ARID2: variants seen among roughly 807,000 people sequenced by gnomAD.
ARID2 encodes the protein AT-rich interactive domain-containing protein 2.
In ARID2, 32 loss-of-function variants were observed where a neutral mutation model predicts 184.6. That is an observed-to-expected ratio of 0.17 (90% CI 0.13 to 0.23). The LOEUF (loss-of-function observed/expected upper bound fraction) is 0.23, where lower values mean the gene tolerates loss of function less well. ARID2 is among the 10% of genes least tolerant of loss of function. ARID2 has a pLI of 1.00. For missense variants in ARID2, 1,696 were observed against 2,197.6 expected (o/e 0.77, Z 4.56); for synonymous variants, 836 against 772.6 (o/e 1.08, Z -1.36).
chr12:45,897,727 G>T (rs773131427), intron 20 of ARID2, among the ~76,000 whole-genome samples: 2 of 152,110 alleles, frequency 1.3e-5, no homozygotes, highest in Admixed American at 1.3e-4. Flanking sequence ...TATCATCGAT[G>T]ATAGACAAAA....
intron 18 of ARID2, among the ~76,000 whole-genome samples, chr12:45,892,468 C>G (rs1366845247): frequency 7.3e-6 from 1 of 137,424 alleles, no homozygotes; most frequent in Non-Finnish European, 1.5e-5. Flanking sequence ...GATTTCATAT[C>G]TTGTCATTAT....
At chr12:45,810,898 A>G (rs79165954) in intron 3 of ARID2, among the ~76,000 whole-genome samples, 1 of 152,346 alleles carries the variant, frequency 6.6e-6, no homozygotes, top group African/African-American at 2.4e-5. Context: ...TTCTGAAAAT[A>G]TAAAAATACT....
At chr12:45,859,827 G>A (rs1943711912) in intron 15 of ARID2, among the ~76,000 whole-genome samples, 1 of 152,092 alleles carries the variant, frequency 6.6e-6, no homozygotes, top group Non-Finnish European at 1.5e-5. Flanking sequence ...TCTGCCTCCC[G>A]GGTTCAAGTG....
Position 45,848,842 on chromosome 12 carries a change from T to C in ARID2, c.1587T>C (p.Asn529=), listed in dbSNP as rs371345267. Residue 529 remains asparagine (N), a synonymous_variant, in exon 13 of 21, where the codon AAT becomes AAC. Transcript: ENST00000334344. The part of the protein sequence containing the change: ...DSEKFACQWL[N]AHFEVNPDCS... ...AATTTTTCTCCTCTTTTAGGCTAAATGCTCATTTTGAAGTAAATCCAGATT... is the reference window on the plus strand; with the variant it reads ...AATTTTTCTCCTCTTTTAGGCTAAACGCTCATTTTGAAGTAAATCCAGATT... 3 of 1,611,146 alleles carry C rather than the reference T, an allele frequency of 1.9e-6. No individual in the cohort carries two copies. The highest frequency in any genetic ancestry group is 2.7e-5 in the African/African-American group (2 of 74,962).
intron 6 of ARID2, among the ~76,000 whole-genome samples, chr12:45,834,669 G>A (rs1165237657): frequency 2.0e-5 from 3 of 152,172 alleles, no homozygotes; most frequent in African/African-American, 7.2e-5. Flanking sequence ...GAACCTGGGA[G>A]GCAAAGGTTG....
intron 10 of ARID2, among the ~76,000 whole-genome samples, chr12:45,838,782 T>G (rs778209212): frequency 2.0e-5 from 3 of 151,076 alleles, no homozygotes; most frequent in Non-Finnish European, 4.4e-5. Flanking sequence ...AATATATAGA[T>G]AGATAGATAG....
chr12:45,827,636 C>CTTA (rs1565611250), intron 6 of ARID2, among the ~76,000 whole-genome samples: 2 of 151,950 alleles, frequency 1.3e-5, no homozygotes, highest in African/African-American at 4.8e-5. Flanking sequence ...TGTATGGTAA[C>CTTA]GTTAGATAAT....
At chr12:45,746,557 G>A (rs1941359372) in intron 3 of ARID2, among the ~76,000 whole-genome samples, 1 of 151,882 alleles carries the variant, frequency 6.6e-6, no homozygotes, top group African/African-American at 2.4e-5. Flanking sequence ...ATACCATGTT[G>A]AATCTTTTAA....
At chr12:45,806,611 GTGAT>G (rs1345947784) in intron 3 of ARID2, among the ~76,000 whole-genome samples, 5 of 152,052 alleles carry the variant, frequency 3.3e-5, no homozygotes, top group Non-Finnish European at 7.4e-5. Context: ...CATTACCGAT[GTGAT>G]CTACATTGTC....
chr12:45,818,358 T>G (rs1333808213), intron 5 of ARID2, among the ~76,000 whole-genome samples: 1 of 152,190 alleles, frequency 6.6e-6, no homozygotes, highest in African/African-American at 2.4e-5. Context: ...TGGGTTTTGA[T>G]AAATCAAATT....
intron 16 of ARID2, among the ~76,000 whole-genome samples, chr12:45,867,659 C>A (rs1302906959): frequency 6.6e-6 from 1 of 151,122 alleles, no homozygotes; most frequent in Non-Finnish European, 1.5e-5. Context: ...AGGAAAATGG[C>A]ATGAACCCTG....
intron 4 of ARID2, among the ~76,000 whole-genome samples, 165 bp from the exon 5 acceptor site, chr12:45,817,505 C>CTTCAA (rs1565607250): frequency 8.9e-4 from 124 of 138,702 alleles, no homozygotes; most frequent in Admixed American, 5.6e-3. Context: ...AAAAGTTGAA[C>CTTCAA]GTTTTGAACC....
At chr12:45,742,087 G>A (rs1200589564) in intron 3 of ARID2, among the ~76,000 whole-genome samples, 1 of 152,122 alleles carries the variant, frequency 6.6e-6, no homozygotes, top group Non-Finnish European at 1.5e-5. Flanking sequence ...ACTTCCAGAA[G>A]TGTTATCCCA....
chr12:45,885,865 T>G (rs994037807), intron 16 of ARID2, among the ~76,000 whole-genome samples: 39 of 152,210 alleles, frequency 2.6e-4, no homozygotes, highest in Non-Finnish European at 5.6e-4. Context: ...TACCTCCTAC[T>G]GGGTCCCTCC....
In ARID2 at chr12:45,839,416, C is replaced by G. The variant is rs2138137130; in HGVS notation, c.1418C>G (p.Ser473Cys). ...GTAAAACTCATTGAACACCCAAGTT[C>G]CAGTCATCAAATGTTATCTGAAATT... The part of the protein sequence containing the change: ...AAVKLIEHPS[S>C]SHQMLSEIRP... Residue 473 changes from serine to cysteine, a missense_variant, in exon 11 of 21, where the codon TCC becomes TGC. Around this residue, in one of 11 missense-constraint regions of ARID2, gnomAD observed 713 missense variants for 824.4 expected, o/e 0.86. Coordinates refer to ENST00000334344, the MANE Select transcript of ARID2 (RefSeq NM_152641.4). 6.2e-7 allele frequency: 1 copy of G among 1,614,088 alleles called. No individual in the cohort carries two copies. The highest frequency in any genetic ancestry group is 8.5e-7 in the Non-Finnish European group (1 of 1,179,994).
At chr12:45,750,880 T>G (rs1341198891) in intron 3 of ARID2, among the ~76,000 whole-genome samples, 2 of 152,206 alleles carry the variant, frequency 1.3e-5, no homozygotes, top group Non-Finnish European at 2.9e-5. Context: ...TTGTACAAGG[T>G]GACCCAAGTA....
At chr12:45,731,486 T>G (rs1940997667) in intron 3 of ARID2, among the ~76,000 whole-genome samples, 172 bp downstream of exon 3, 1 of 152,210 alleles carries the variant, frequency 6.6e-6, no homozygotes, top group African/African-American at 2.4e-5. Context: ...AAGGTGAAAG[T>G]CTTCCTCACC....
chr12:45,792,739 G>A (rs1041180385), intron 3 of ARID2, among the ~76,000 whole-genome samples: 2 of 151,572 alleles, frequency 1.3e-5, no homozygotes, highest in East Asian at 1.9e-4. Context: ...ATATCTTCCT[G>A]GTCAATTGAA....
chr12:45,833,109 A>T lies in ARID2; in HGVS notation c.706-3480A>T, dbSNP rs1054215958. 7.2e-5 allele frequency among the ~76,000 whole-genome samples: 11 copies of T among 152,176 alleles called. No individual in the cohort carries two copies. The South Asian group carries it at 2.1e-3, about 29-fold the overall frequency. On this transcript the variant is annotated intron_variant, in intron 6 of 20. Transcript: ENST00000334344. ...GGATATTTTCTATTGTTATGCATTC[A>T]TCTTTTCTAGTTAAGCAAATCTTGT...
Sources: gnomAD v4.1 joint callset for allele counts (sites outside exome capture counted in the v4.1 genomes callset) on GRCh38, gnomAD v4.1.1 for gene constraint, gnomAD v4.1.1 regional missense constraint, MANE v1.5 for transcripts, NCBI Gene and HGNC (gene_info 2026-07-23, HGNC 2026-07-21) for gene names.